ITPR2: variants seen among roughly 807,000 people sequenced by gnomAD.
The protein encoded by ITPR2 is inositol 1,4,5-trisphosphate receptor type 2, also known as inositol 1,4,5-trisphosphate-gated calcium channel ITPR2.
ITPR2 carries 207 observed loss-of-function variants against 317.1 expected under a neutral mutation model. That is an observed-to-expected ratio of 0.65 (90% CI 0.58 to 0.73). The LOEUF (loss-of-function observed/expected upper bound fraction) is 0.73. ITPR2 is among the 30% of genes least tolerant of loss of function. The probability of loss-of-function intolerance (pLI) is 0.00; values close to 1 mark genes in which losing one functional copy is unlikely to be tolerated. For synonymous variants in ITPR2, 1,156 were observed against 1,149.1 expected (o/e 1.01, Z -0.12); for missense variants, 2,613 against 3,284.0 (o/e 0.80, Z 4.99).
intron 1 of ITPR2, among the ~76,000 whole-genome samples, chr12:26,806,788 C>T (rs1334621006): frequency 6.6e-6 from 1 of 152,120 alleles, no homozygotes; most frequent in Non-Finnish European, 1.5e-5. Context: ...AATCCTCTTG[C>T]CTCGGGCTCC....
chr12:26,340,357 G>A, intron 55 of ITPR2, 29 bp from the exon 56 acceptor site: 1 of 1,565,734 alleles, frequency 6.4e-7, no homozygotes, highest in Non-Finnish European at 8.7e-7. Flanking sequence ...GTGCGAACAA[G>A]GGAATAAGTA....
At chr12:26,632,517 C>A (rs968115509) in intron 21 of ITPR2, among the ~76,000 whole-genome samples, 5 of 152,166 alleles carry the variant, frequency 3.3e-5, no homozygotes, top group African/African-American at 1.2e-4. Flanking sequence ...GATCCTCAAA[C>A]CAGGGATTTT....
chr12:26,791,848 G>A (rs1950346960), intron 1 of ITPR2, among the ~76,000 whole-genome samples: 1 of 152,154 alleles, frequency 6.6e-6, no homozygotes, highest in African/African-American at 2.4e-5. Context: ...AGTGCTGTGA[G>A]GGAAAGGTCA....
At chr12:26,595,057 T>C (rs1261611255) in intron 32 of ITPR2, among the ~76,000 whole-genome samples, 1 of 152,238 alleles carries the variant, frequency 6.6e-6, no homozygotes, top group Admixed American at 6.5e-5. Flanking sequence ...GCTGGTCAAG[T>C]ACCTATCTGC....
chr12:26,620,804 G>A (rs1414231308), intron 26 of ITPR2, among the ~76,000 whole-genome samples: 1 of 152,100 alleles, frequency 6.6e-6, no homozygotes, highest in Admixed American at 6.6e-5. Flanking sequence ...TCTCCCTACA[G>A]GTCTCAGTTT....
At chr12:26,832,560 C>T (rs1951132585) in intron 1 of ITPR2, 130 bp downstream of exon 1, 1 of 579,284 alleles carries the variant, frequency 1.7e-6, no homozygotes, top group Non-Finnish European at 2.9e-6. Context: ...CGGCGCTGTC[C>T]GCGGGCGCCG....
intron 2 of ITPR2, among the ~76,000 whole-genome samples, chr12:26,758,610 A>G (rs116743757): frequency 6.6e-6 from 1 of 152,342 alleles, no homozygotes; most frequent in African/African-American, 2.4e-5. Context: ...AAGTCTTCAC[A>G]GATTAGGCAC....
At chr12:26,702,583 C>T (rs1246845467) in intron 9 of ITPR2, among the ~76,000 whole-genome samples, 1 of 151,938 alleles carries the variant, frequency 6.6e-6, no homozygotes, top group African/African-American at 2.4e-5. Flanking sequence ...GGGCTACAGG[C>T]GTGTGCCACC....
intron 9 of ITPR2, among the ~76,000 whole-genome samples, chr12:26,699,374 T>C (rs1303704960): frequency 6.6e-6 from 1 of 152,190 alleles, no homozygotes; most frequent in Non-Finnish European, 1.5e-5. Context: ...GTCTCTGCTC[T>C]ATAAGGAAAC....
In ITPR2 at chr12:26,580,146, T is replaced by C. The variant is rs1325835388; in HGVS notation, c.4390A>G (p.Thr1464Ala). 1 of 1,611,270 alleles carries C rather than the reference T, an allele frequency of 6.2e-7. No individual in the cohort carries two copies. The highest frequency in any genetic ancestry group is 8.5e-7 in the Non-Finnish European group (1 of 1,178,504). The change falls in exon 33 of 57, where the codon ACA (threonine) becomes GCA (alanine). Residue 1464 changes from threonine to alanine, a missense_variant. Coordinates refer to ENST00000381340, the MANE Select transcript of ITPR2 (RefSeq NM_002223.4). Reference sequence around the variant, plus strand: ...TCTGCATGTTTCCTGTCTGTAGTTGTGTTGCAAACCTGGAGAGAAAATAAA... The same window carrying C: ...TCTGCATGTTTCCTGTCTGTAGTTGCGTTGCAAACCTGGAGAGAAAATAAA... ...FLVDMARVCN[T>A]TTDRKHADIF...
At chr12:26,724,406 T>G (rs1948885793) in intron 4 of ITPR2, among the ~76,000 whole-genome samples, 1 of 152,222 alleles carries the variant, frequency 6.6e-6, no homozygotes, top group South Asian at 2.1e-4. Context: ...CCTCTTCTTT[T>G]TGATGTAATA....
intron 19 of ITPR2, 85 bp downstream of exon 19, chr12:26,656,212 A>C: frequency 1.3e-6 from 2 of 1,519,428 alleles, no homozygotes; most frequent in African/African-American, 1.4e-5. Flanking sequence ...ATGCCTTTCC[A>C]CATGTTTCAT....
rs185118541 is a variant in ITPR2, at chr12:26,481,215, A to G, written c.6039T>C (p.Asn2013=). 1.0e-4 allele frequency: 162 copies of G among 1,611,956 alleles called. No individual in the cohort carries two copies. The African/African-American group carries it at 1.9e-3, about 19-fold the overall frequency. Residue 2013 remains asparagine (N), a synonymous_variant, in exon 43 of 57, where the codon AAT becomes AAC. Coordinates refer to ENST00000381340, the MANE Select transcript of ITPR2 (RefSeq NM_002223.4). ...NQTCIATHES[N]GIDIIIALIL... is the part of the protein sequence containing the mutation. ...TCAAAGCAATGATGATATCAATCCC[A>G]TTAGACTCATGTGTAGCGATACAGG...
At chr12:26,349,003 CTG>C (rs1938395453) in intron 55 of ITPR2, among the ~76,000 whole-genome samples, 2 of 152,124 alleles carry the variant, frequency 1.3e-5, no homozygotes, top group Admixed American at 6.5e-5. Flanking sequence ...AAACAATTAA[CTG>C]TGTGTGGTGG....
intron 44 of ITPR2, among the ~76,000 whole-genome samples, chr12:26,476,284 G>A (rs569659568): frequency 6.6e-6 from 1 of 152,270 alleles, no homozygotes; most frequent in African/African-American, 2.4e-5. Flanking sequence ...AATCATCAGG[G>A]CACTGAGCTA....
Position 26,832,954 on chromosome 12 carries a change from C to T in ITPR2, c.-173G>A, listed in dbSNP as rs1951142892. The T allele has an allele frequency of 3.5e-6, 2 of 569,810 alleles. No individual in the cohort carries two copies. Among genetic ancestry groups the T allele is most frequent in the South Asian group, 2.1e-5 (1 of 47,116 alleles). The allele number at this position is 569,810 out of a possible 1,614,324, so 35.3% of individuals were successfully genotyped here. ...GCGTCGCGGCTCAGCCGTGCGTGCG[C>T]GCCGGGGAAGCCAGACCGGGGCCAA... On this transcript the variant is annotated 5_prime_UTR_variant, in exon 1 of 57. Transcript: ENST00000381340.
At position 26,593,144 on chromosome 12, in the gene ITPR2, C is replaced by T. The variant is rs534798789; in HGVS notation, c.4380+2321G>A. ...AATCTTTTGAAATCCCTACTCTTAG[C>T]TACCATGCTCTGTCTACTACAGTGA... On this transcript the variant is annotated intron_variant, in intron 32 of 56. Coordinates refer to ENST00000381340, the MANE Select transcript of ITPR2 (RefSeq NM_002223.4). 5.3e-5 allele frequency among the ~76,000 whole-genome samples: 8 copies of T among 152,322 alleles called. No individual in the cohort carries two copies. In the South Asian group the frequency reaches 1.5e-3, roughly 28 times the overall value.
chr12:26,472,117 G>A (rs1356440340), intron 45 of ITPR2, among the ~76,000 whole-genome samples: 1 of 152,164 alleles, frequency 6.6e-6, no homozygotes, highest in African/African-American at 2.4e-5. Flanking sequence ...CTGGTGACGG[G>A]GTTACCCCAT....
At chr12:26,603,480 T>C (rs560230169) in intron 26 of ITPR2, among the ~76,000 whole-genome samples, 1 of 152,260 alleles carries the variant, frequency 6.6e-6, no homozygotes, top group East Asian at 1.9e-4. Flanking sequence ...TATGAAGACG[T>C]CATGCACACC....
Sources: gnomAD v4.1 joint callset for allele counts (sites outside exome capture counted in the v4.1 genomes callset) on GRCh38, gnomAD v4.1.1 for gene constraint, MANE v1.5 for transcripts, NCBI Gene and HGNC (gene_info 2026-07-23, HGNC 2026-07-21) for gene names.